MTUS2: variants seen among roughly 807,000 people sequenced by gnomAD.
MTUS2 encodes the protein microtubule-associated tumor suppressor candidate 2.
A neutral mutation model predicts 114.1 loss-of-function variants in MTUS2; 40 were observed. The observed-to-expected ratio is 0.35, with a 90% CI of 0.27 to 0.46. MTUS2 has a LOEUF of 0.46. MTUS2 is among the 20% of genes least tolerant of loss of function. The pLI, the probability that MTUS2 is intolerant of heterozygous loss-of-function variation, is 1.00. For missense variants in MTUS2, 1,679 were observed against 1,705.4 expected (o/e 0.98, Z 0.27); for synonymous variants, 688 against 672.0 (o/e 1.02, Z -0.37).
intron 7 of MTUS2, among the ~76,000 whole-genome samples, chr13:29,351,587 T>G (rs999709541): frequency 1.9e-4 from 28 of 151,320 alleles, no homozygotes; most frequent in African/African-American, 6.6e-4. Context: ...CCACTACTGA[T>G]TTCTTGGTTA....
In MTUS2 at chr13:29,498,872, C is replaced by G. The variant is rs530072282; in HGVS notation, c.3798+335C>G. ...CAGCATCCCTGATGCCCAGACACTG[C>G]ACGGAGCACTTTCCCCGAGCCTGCG... On this transcript the variant is annotated intron_variant, in intron 14 of 15. Transcript: ENST00000612955. 9.2e-5 allele frequency among the ~76,000 whole-genome samples: 14 copies of G among 152,304 alleles called. 1 individual carries two copies. The South Asian group carries it at 2.9e-3, about 32-fold the overall frequency.
intron 5 of MTUS2, among the ~76,000 whole-genome samples, chr13:29,116,648 C>T (rs1274855929): frequency 6.6e-6 from 1 of 152,094 alleles, no homozygotes; most frequent in Non-Finnish European, 1.5e-5. Context: ...TCTTCTTGCA[C>T]TTTGGGGCCA....
chr13:29,075,224 A>G (rs1889134740), intron 4 of MTUS2, among the ~76,000 whole-genome samples: 2 of 152,104 alleles, frequency 1.3e-5, no homozygotes, highest in African/African-American at 2.4e-5. Context: ...GCCCCCTCCC[A>G]TTTGTAAAAG....
chr13:29,495,193 A>C (rs1383252774), intron 12 of MTUS2, among the ~76,000 whole-genome samples: 3 of 147,948 alleles, frequency 2.0e-5, no homozygotes, highest in Admixed American at 6.7e-5. Flanking sequence ...AAAAAAAAAA[A>C]AAAAAAAAAA....
chr13:28,930,128 T>G (rs1881536500), intron 2 of MTUS2, among the ~76,000 whole-genome samples: 1 of 152,224 alleles, frequency 6.6e-6, no homozygotes, highest in South Asian at 2.1e-4. Context: ...GGCCACAGTC[T>G]TTCATTTTCC....
chr13:29,009,150 G>A (rs1030952349), intron 2 of MTUS2, among the ~76,000 whole-genome samples: 12 of 151,100 alleles, frequency 7.9e-5, no homozygotes, highest in Admixed American at 1.3e-4. Context: ...TCTTTCTATA[G>A]CACCCTATAC....
At chr13:29,259,196 A>T (rs1396537453) in intron 5 of MTUS2, among the ~76,000 whole-genome samples, 1 of 152,218 alleles carries the variant, frequency 6.6e-6, no homozygotes, top group Non-Finnish European at 1.5e-5. Context: ...TGTGTGTGAT[A>T]GTTCTGCCCC....
intron 8 of MTUS2, among the ~76,000 whole-genome samples, chr13:29,392,145 CCAAAAAAAAAA>C (rs1873540847): frequency 1.8e-4 from 3 of 16,220 alleles, no homozygotes; most frequent in South Asian, 3.2e-3. Flanking sequence ...AAAAAACAAA[CCAAAAAAAAAA>C]AAACCAAAAA....
At chr13:28,978,547 T>C (rs971907071) in intron 2 of MTUS2, among the ~76,000 whole-genome samples, 2 of 152,258 alleles carry the variant, frequency 1.3e-5, no homozygotes, top group Non-Finnish European at 2.9e-5. Context: ...AGTGTTCTTA[T>C]CTGCTTAGCA....
At chr13:28,939,617 AT>A (rs1234135057) in intron 2 of MTUS2, among the ~76,000 whole-genome samples, 1 of 152,110 alleles carries the variant, frequency 6.6e-6, no homozygotes, top group Non-Finnish European at 1.5e-5. Flanking sequence ...TTCAGGATCA[AT>A]TTTTTGCTAT....
At chr13:29,234,755 C>T (rs1896468360) in intron 5 of MTUS2, among the ~76,000 whole-genome samples, 1 of 152,132 alleles carries the variant, frequency 6.6e-6, no homozygotes, top group Non-Finnish European at 1.5e-5. Flanking sequence ...AACGCTTCCT[C>T]TTCTATTCCC....
intron 5 of MTUS2, among the ~76,000 whole-genome samples, chr13:29,232,608 A>G (rs954509637): frequency 2.0e-5 from 3 of 152,174 alleles, no homozygotes; most frequent in Non-Finnish European, 4.4e-5. Context: ...AATGATAGTT[A>G]GTTTGCTTAA....
At chr13:29,259,006 T>C (rs1897372715) in intron 5 of MTUS2, among the ~76,000 whole-genome samples, 1 of 152,254 alleles carries the variant, frequency 6.6e-6, no homozygotes, top group Non-Finnish European at 1.5e-5. Context: ...CTTCAGCATA[T>C]CAACCTTAGT....
intron 8 of MTUS2, among the ~76,000 whole-genome samples, chr13:29,410,702 A>G (rs1261086335): frequency 1.3e-5 from 2 of 152,182 alleles, no homozygotes; most frequent in Non-Finnish European, 2.9e-5. Context: ...GACTATGTCT[A>G]TGGTAATTTT....
At chr13:28,923,457 G>GAATCACA (rs1227505256) in intron 2 of MTUS2, among the ~76,000 whole-genome samples, 4 of 152,186 alleles carry the variant, frequency 2.6e-5, no homozygotes, top group Non-Finnish European at 4.4e-5. Flanking sequence ...GCCTACATTT[G>GAATCACA]TGGGTTGTGA....
chr13:29,279,175 G>T (rs1402651586), intron 5 of MTUS2, among the ~76,000 whole-genome samples: 3 of 152,152 alleles, frequency 2.0e-5, no homozygotes, highest in African/African-American at 7.2e-5. Context: ...GCTTATGAAT[G>T]AAGAAACTAT....
At chr13:29,358,974 T>TTC (rs1306379750) in intron 7 of MTUS2, among the ~76,000 whole-genome samples, 1 of 105,108 alleles carries the variant, frequency 9.5e-6, no homozygotes, top group Non-Finnish European at 2.2e-5. Context: ...AAAAAAAAGC[T>TTC]TCTCTCTCTC....
chr13:28,948,912 T>C (rs1882671212), intron 2 of MTUS2, among the ~76,000 whole-genome samples: 1 of 152,142 alleles, frequency 6.6e-6, no homozygotes, highest in African/African-American at 2.4e-5. Flanking sequence ...GTCCAGTGGG[T>C]CCCCCTTTGG....
intron 15 of MTUS2, among the ~76,000 whole-genome samples, chr13:29,502,001 C>G (rs940711491): frequency 1.3e-5 from 2 of 152,230 alleles, no homozygotes; most frequent in Non-Finnish European, 2.9e-5. Context: ...CATGCTTATT[C>G]TCACATGTAC....
Sources: allele counts gnomAD v4.1 joint callset (sites outside exome capture counted in the v4.1 genomes callset), GRCh38; gene constraint gnomAD v4.1.1; transcripts MANE v1.5; gene names NCBI Gene and HGNC (gene_info 2026-07-23, HGNC 2026-07-21).